The following KIAA1549 variants were observed in gnomAD, a reference collection of about 807,000 sequenced individuals.
KIAA1549 encodes UPF0606 protein KIAA1549.
In KIAA1549, 70 loss-of-function variants were observed where a neutral mutation model predicts 156.4. That is an observed-to-expected ratio of 0.45 (90% CI 0.37 to 0.55). The LOEUF is 0.55. Among genes scored for constraint, KIAA1549 ranks in the 20% least tolerant of loss-of-function variants. The pLI, the probability that KIAA1549 is intolerant of heterozygous loss-of-function variation, is 0.00. For missense variants in KIAA1549, 2,428 were observed against 2,540.9 expected, an observed-to-expected ratio of 0.96 and a Z score of 0.96; for synonymous variants, 1,103 against 1,066.4, an observed-to-expected ratio of 1.03 and a Z score of -0.67.
chr7:138,936,944 G>A (rs76991286), intron 1 of KIAA1549, among the ~76,000 whole-genome samples: 2,535 of 152,052 alleles, frequency 0.017, 74 homozygotes, highest in African/African-American at 0.057. Flanking sequence ...GTTTTCTAAC[G>A]TGCAGAGCTG....
chr7:138,870,170 G>C (rs1223786228), intron 13 of KIAA1549, among the ~76,000 whole-genome samples: 1 of 151,942 alleles, frequency 6.6e-6, no homozygotes, highest in African/African-American at 2.4e-5. Flanking sequence ...TTCTAGGAGC[G>C]CCTTCCTGCT....
chr7:138,947,056 T>A (rs1316291860), intron 1 of KIAA1549, among the ~76,000 whole-genome samples: 1 of 151,580 alleles, frequency 6.6e-6, no homozygotes, highest in Non-Finnish European at 1.5e-5. Context: ...ACTTCCACGT[T>A]CTCACCAAGC....
At chr7:138,947,656 T>C (rs1355221840) in intron 1 of KIAA1549, among the ~76,000 whole-genome samples, 3 of 152,216 alleles carry the variant, frequency 2.0e-5, no homozygotes, top group Non-Finnish European at 4.4e-5. Context: ...CTTGCTAACA[T>C]CTGAAGGCAA....
At chr7:138,951,087 T>C (rs1311914049) in intron 1 of KIAA1549, among the ~76,000 whole-genome samples, 2 of 152,206 alleles carry the variant, frequency 1.3e-5, no homozygotes, top group South Asian at 2.1e-4. Context: ...TGTTTTGAGA[T>C]AAGAGTCTTA....
rs866791341 is a variant in KIAA1549 at position 138,879,612 on chromosome 7, G to A, written c.4271C>T (p.Ser1424Phe). Residue 1424 changes from serine to phenylalanine, a missense_variant, in exon 12 of 20, where the codon TCC becomes TTC. This residue lies in a region of KIAA1549 where 404 missense variants were observed against 417.0 expected (regional missense o/e 0.97). Coordinates refer to ENST00000422774, the MANE Select transcript of KIAA1549 (RefSeq NM_001164665.2). ...SDADSTVSEE[S>F]SERDAGDKTP... is the part of the protein sequence containing the mutation. ...CTTATCTCCTGCGTCCCTCTCGCTG[G>A]ACTCTTCACTGACCGTAGAGTCAGC... is the stretch of plus-strand genomic sequence containing the variant. 1 of 1,563,202 alleles carries A rather than the reference G, an allele frequency of 6.4e-7. No individual in the cohort carries two copies. The highest frequency in any genetic ancestry group is 8.7e-7 in the Non-Finnish European group (1 of 1,153,894).
At chr7:138,909,890 T>C (rs1355459700) in intron 4 of KIAA1549, among the ~76,000 whole-genome samples, 1 of 152,066 alleles carries the variant, frequency 6.6e-6, no homozygotes, top group East Asian at 1.9e-4. Flanking sequence ...AAGGTTGCAG[T>C]GAGCAGAGAT....
At chr7:138,920,852 TTC>T (rs1812546031) in intron 1 of KIAA1549, among the ~76,000 whole-genome samples, 1 of 152,268 alleles carries the variant, frequency 6.6e-6, no homozygotes, top group Non-Finnish European at 1.5e-5. Context: ...GTCATTTCTA[TTC>T]TGTTTCTAGC....
intron 15 of KIAA1549, among the ~76,000 whole-genome samples, chr7:138,861,691 A>C (rs919946450): frequency 2.3e-5 from 3 of 132,532 alleles, no homozygotes; most frequent in Non-Finnish European, 4.8e-5. Flanking sequence ...CCCCATCTCT[A>C]AAAAAAAAAA....
chr7:138,895,977 C>T (rs895210070), intron 9 of KIAA1549, among the ~76,000 whole-genome samples: 3 of 150,626 alleles, frequency 2.0e-5, no homozygotes, highest in Non-Finnish European at 4.4e-5. Flanking sequence ...ACCCACCCCA[C>T]CCGGCCCCCA....
chr7:138,837,040 G>A lies in KIAA1549; in HGVS notation c.*866C>T, dbSNP rs1344131938. 2 of 228,636 alleles carry A rather than the reference G, an allele frequency of 8.7e-6. No individual in the cohort carries two copies. The highest frequency in any genetic ancestry group is 1.3e-4 in the East Asian group (2 of 15,932). The allele number at this position is 228,636 out of a possible 1,614,324, so 14.2% of individuals were successfully genotyped here. A position where few individuals can be genotyped will look rare whatever the true frequency, so the allele number is the denominator to read the frequency against. On this transcript the variant is annotated 3_prime_UTR_variant, in exon 20 of 20. Coordinates refer to ENST00000422774, the MANE Select transcript of KIAA1549 (RefSeq NM_001164665.2). ...TTCTACAGGATCGGCCTTAGCGATC[G>A]GTGCTGAACTGGGACATGACCAGGA...
At position 138,918,612 on chromosome 7, in the gene KIAA1549, A is replaced by T; in HGVS notation, c.1014T>A (p.Ser338=). Residue 338 remains serine, a synonymous_variant, in exon 2 of 20, where the codon TCT becomes TCA. Coordinates refer to ENST00000422774, the MANE Select transcript of KIAA1549 (RefSeq NM_001164665.2). The surrounding 1 kb of genome is among the most constrained non-coding windows in gnomAD (Gnocchi z 4.2). ...VLSQSLEETI[S]PRTYPTVTAS... ...CAGTCACAGTGGGGTATGTTCTTGG[A>T]GAGATGGTTTCTTCTAGGCTTTGAC... 1 of 1,613,918 alleles carries T rather than the reference A, an allele frequency of 6.2e-7. No individual in the cohort carries two copies. Among genetic ancestry groups the T allele is most frequent in the South Asian group, 1.1e-5 (1 of 91,088 alleles).
intron 1 of KIAA1549, among the ~76,000 whole-genome samples, chr7:138,942,239 G>C (rs147555074): frequency 1.4e-3 from 212 of 152,204 alleles, no homozygotes; most frequent in African/African-American, 4.7e-3. Flanking sequence ...TATCATTCTT[G>C]AGCAGCTCTG....
At chr7:138,859,123 C>T (rs529441329) in intron 16 of KIAA1549, among the ~76,000 whole-genome samples, 1 of 152,180 alleles carries the variant, frequency 6.6e-6, no homozygotes, top group African/African-American at 2.4e-5. Flanking sequence ...CAACATCTGG[C>T]AGTGTTCAGT....
chr7:138,868,892 G>T (rs948926377), intron 14 of KIAA1549, among the ~76,000 whole-genome samples: 47 of 152,314 alleles, frequency 3.1e-4, no homozygotes, highest in African/African-American at 1.1e-3. Context: ...AAAAAGAGCT[G>T]GAGTGGAGGG....
chr7:138,857,736 C>T lies in KIAA1549; in HGVS notation c.5247+3403G>A, dbSNP rs148796591. Among the ~76,000 whole-genome samples, 566 of 152,272 alleles carry T rather than the reference C, an allele frequency of 3.7e-3. 2 individuals are homozygous for T. Among genetic ancestry groups the T allele is most frequent in the Non-Finnish European group, 6.9e-3 (467 of 68,030 alleles). On this transcript the variant is annotated intron_variant, in intron 16 of 19. Transcript: ENST00000422774. ...CTGAATGCTTTATTATGAAATGATC[C>T]TCTTAATCTTTAATAATACTCTTTA...
At chr7:138,850,751 C>T (rs570510649) in intron 17 of KIAA1549, among the ~76,000 whole-genome samples, 31 of 152,076 alleles carry the variant, frequency 2.0e-4, no homozygotes, top group Non-Finnish European at 3.5e-4. Context: ...TTGCTTTTGG[C>T]GTCTTCATCA....
chr7:138,867,745 G>A (rs1810791770), intron 15 of KIAA1549, among the ~76,000 whole-genome samples: 1 of 152,186 alleles, frequency 6.6e-6, no homozygotes, highest in African/African-American at 2.4e-5. Flanking sequence ...TTCCAGAGGT[G>A]GCACTCGGCA....
At chr7:138,881,608 A>G in intron 10 of KIAA1549, 24 bp from the exon 11 acceptor site, 1 of 1,595,026 alleles carries the variant, frequency 6.3e-7, no homozygotes, top group South Asian at 1.1e-5. Context: ...ACACACAAAC[A>G]AGATTGTTAA....
At chr7:138,892,833 T>A (rs886452958) in intron 10 of KIAA1549, among the ~76,000 whole-genome samples, 1 of 152,252 alleles carries the variant, frequency 6.6e-6, no homozygotes, top group Non-Finnish European at 1.5e-5. Flanking sequence ...AAATAAAGTT[T>A]AAAAATAAAT....
Sources: gnomAD v4.1 joint callset for allele counts (sites outside exome capture counted in the v4.1 genomes callset) on GRCh38, gnomAD v4.1.1 for gene constraint, gnomAD v4.1.1 regional missense constraint, Gnocchi (gnomAD v3.1) non-coding constraint, MANE v1.5 for transcripts, NCBI Gene and HGNC (gene_info 2026-07-23, HGNC 2026-07-21) for gene names.